Variants in SEC31A observed in about 807,000 individuals in gnomAD.
SEC31A encodes the protein SEC31 homolog A, COPII component.
A neutral mutation model predicts 151.0 loss-of-function variants in SEC31A; 70 were observed. The ratio of observed to expected loss-of-function variants is 0.46; its 90% confidence interval spans 0.38 to 0.57. The LOEUF is 0.57. SEC31A is among the 20% of genes least tolerant of loss of function. The pLI, the probability that SEC31A is intolerant of heterozygous loss-of-function variation, is 0.00. For synonymous variants in SEC31A, 475 were observed against 505.9 expected, an observed-to-expected ratio of 0.94 and a Z score of 0.82; for missense variants, 1,330 against 1,471.2, an observed-to-expected ratio of 0.90 and a Z score of 1.57.
intron 21 of SEC31A, chr4:82,844,157 A>T: frequency 2.5e-6 from 1 of 400,914 alleles, no homozygotes; most frequent in East Asian, 3.6e-5. Flanking sequence ...GTAATGGCTG[A>T]GGAACAGGAG....
chr4:82,830,173 C>T (rs1725595916), intron 22 of SEC31A, among the ~76,000 whole-genome samples: 1 of 152,142 alleles, frequency 6.6e-6, no homozygotes, highest in Non-Finnish European at 1.5e-5. Flanking sequence ...GATTTTAAAA[C>T]AGAATTCAGG....
intron 22 of SEC31A, among the ~76,000 whole-genome samples, chr4:82,833,690 C>T (rs1043463412): frequency 6.6e-6 from 1 of 152,122 alleles, no homozygotes; most frequent in Non-Finnish European, 1.5e-5. Context: ...CAGGACAGGC[C>T]TAGCCTCAAA....
intron 16 of SEC31A, among the ~76,000 whole-genome samples, chr4:82,856,473 A>G (rs1404077959): frequency 6.6e-6 from 1 of 151,420 alleles, no homozygotes. Flanking sequence ...TAATAAGGCC[A>G]GGCACGGTGG....
At chr4:82,849,745 A>G (rs1731084141) in intron 19 of SEC31A, among the ~76,000 whole-genome samples, 1 of 144,074 alleles carries the variant, frequency 6.9e-6, no homozygotes, top group Admixed American at 6.9e-5. Context: ...AATAAAGATT[A>G]AGATGTGAAA....
Position 82,882,070 on chromosome 4 carries a change from CA to C in SEC31A, c.-4-131del, listed in dbSNP as rs1739474490. 9.6e-6 allele frequency: 7 copies of C among 727,924 alleles called. No homozygotes were observed. In the South Asian group the frequency reaches 1.1e-4, roughly 12 times the overall value. The allele number at this position is 727,924 out of a possible 1,614,324, so 45.1% of individuals were successfully genotyped here. On this transcript the variant is annotated intron_variant, in intron 1 of 26. Transcript: ENST00000395310. The stretch of plus-strand genomic sequence containing the variant: ...TAGTAATGCCCAACTGCAAATAAAT[CA>C]AATCGGTTTAGGTGTCATTTGTTGG...
chr4:82,894,942 T>C (rs937017434), upstream of SEC31A: 4 of 152,226 alleles, frequency 2.6e-5, no homozygotes, highest in Non-Finnish European at 5.9e-5. Context: ...GCATTTTCCA[T>C]GCACTTTTTC....
chr4:82,837,689 T>G (rs1304306962), intron 22 of SEC31A, among the ~76,000 whole-genome samples: 1 of 152,226 alleles, frequency 6.6e-6, no homozygotes, highest in African/African-American at 2.4e-5. Context: ...CTGAATACTA[T>G]GGAGTCCTAT....
At chr4:82,876,318 C>T (rs889603432) in intron 4 of SEC31A, among the ~76,000 whole-genome samples, 9 of 152,046 alleles carry the variant, frequency 5.9e-5, no homozygotes, top group African/African-American at 2.2e-4. Context: ...CCATGTTGGT[C>T]AGGCTGGTCT....
chr4:82,862,470 T>C, intron 13 of SEC31A, 64 bp downstream of exon 13: 1 of 1,223,408 alleles, frequency 8.2e-7, no homozygotes, highest in Non-Finnish European at 1.2e-6. Flanking sequence ...TTAAATGATA[T>C]TTCCTTCTTC....
In SEC31A at chr4:82,864,447, T is replaced by C. The variant is rs1316785640; in HGVS notation, c.1349A>G (p.Gln450Arg). 1.9e-6 allele frequency: 3 copies of C among 1,614,226 alleles called. No homozygotes were observed. The highest frequency in any genetic ancestry group is 2.2e-5 in the East Asian group (1 of 44,882). ...SRSDQLQQAV[Q>R]SQGFINYCQK... is the part of the protein sequence containing the mutation. ...GCAATAATTGATAAATCCTTGTGAC[T>C]GCACAGCCTGCTGAAGTTGGTCTGA... The change falls in exon 11 of 27, where the codon CAG (glutamine) becomes CGG (arginine). Residue 450 changes from glutamine (Q) to arginine (R), a missense_variant. Physicochemically the swap from Gln to Arg is conservative, Grantham distance 43 (BLOSUM62 1). Coordinates refer to ENST00000395310, the MANE Select transcript of SEC31A (RefSeq NM_001077207.4).
chr4:82,823,122 T>C (rs1723742915), intron 25 of SEC31A, among the ~76,000 whole-genome samples: 1 of 152,240 alleles, frequency 6.6e-6, no homozygotes, highest in African/African-American at 2.4e-5. Flanking sequence ...TTTATGGTTC[T>C]CTACTACCCA....
chr4:82,824,590 G>C lies in SEC31A; in HGVS notation c.3376C>G (p.Leu1126Val), dbSNP rs759923153. ...GCTGAAGAAAGGCAGCGCTGAATAA[G>C]ATCCTCAAATGTGGTCTTTAGAATG... is the stretch of plus-strand genomic sequence containing the variant. ...HLILKTTFED[L>V]IQRCLSSATD... is the part of the protein sequence containing the mutation. Residue 1126 changes from leucine (L) to valine (V), a missense_variant, in exon 25 of 27, where the codon CTT becomes GTT. Leu to Val is a conservative substitution (Grantham distance 32, BLOSUM62 1). Transcript: ENST00000395310. The C allele has an allele frequency of 3.7e-6, 6 of 1,613,864 alleles. No individual in the cohort carries two copies. In the Admixed American group the frequency reaches 5.0e-5, roughly 13 times the overall value.
rs33968103 is a variant in SEC31A, at chr4:82,861,905, CT to C, written c.1549-198del. On this transcript the variant is annotated intron_variant, in intron 13 of 26. Transcript: ENST00000395310. ...CTATTACTGCTAACACTTTCCCATT[CT>C]TTTTTTTTTTTTTTTTTTTTTTTTT... 5.4e-3 allele frequency: 484 copies of C among 89,650 alleles called. 1 individual carries two copies. Among genetic ancestry groups the C allele is most frequent in the South Asian group, 0.035 (90 of 2,546 alleles). 5.6% of individuals were successfully genotyped at this position (89,650 alleles called of 1,614,324 possible).
chr4:82,827,229 CT>C, intron 24 of SEC31A, 139 bp downstream of exon 24: 2 of 941,390 alleles, frequency 2.1e-6, no homozygotes, highest in South Asian at 1.6e-5. Context: ...CATGATCGAT[CT>C]TAAAAAAAAG....
chr4:82,836,327 C>T (rs1727258289), intron 22 of SEC31A, among the ~76,000 whole-genome samples: 3 of 146,892 alleles, frequency 2.0e-5, no homozygotes, highest in Admixed American at 6.8e-5. Context: ...GAGCCGAGAT[C>T]GCCCCACTGC....
upstream of SEC31A, chr4:82,894,646 T>C (rs544164030): frequency 6.6e-6 from 1 of 152,366 alleles, no homozygotes; most frequent in East Asian, 1.9e-4. Context: ...TAAAACGAGT[T>C]ATCCATTTGT....
chr4:82,827,484 C>A lies in SEC31A; in HGVS notation c.3176G>T (p.Gly1059Val). 4.3e-6 allele frequency: 7 copies of A among 1,614,162 alleles called. No individual in the cohort carries two copies. The highest frequency in any genetic ancestry group is 5.9e-6 in the Non-Finnish European group (7 of 1,180,032). The change falls in exon 24 of 27, where the codon GGT becomes GTT. Residue 1059 changes from glycine (G) to valine (V), a missense_variant. Physicochemically the swap from Gly to Val is moderately radical, Grantham distance 109. Transcript: ENST00000395310. ...QSSFPQPHLP[G>V]GQPFHGVQQP... ...CTGTACGCCATGGAAGGGCTGGCCACCTGGAAGATGTGGCTGTGGGAATGA... is the reference window on the plus strand; with the variant it reads ...CTGTACGCCATGGAAGGGCTGGCCAACTGGAAGATGTGGCTGTGGGAATGA...
Position 82,875,953 on chromosome 4 carries a change from CAT to C in SEC31A, c.403-133_403-132del, listed in dbSNP as rs560094668. ...TCTATTTAATTTGAAAAGTGAAAAA[CAT>C]ATGCATGAATTTCTAAATTATGCAT... On this transcript the variant is annotated intron_variant, in intron 4 of 26. Coordinates refer to ENST00000395310, the MANE Select transcript of SEC31A (RefSeq NM_001077207.4). The C allele has an allele frequency of 2.3e-3, 1,072 of 463,860 alleles. 2 individuals are homozygous for C. Among genetic ancestry groups the C allele is most frequent in the Middle Eastern group, 4.6e-3 (8 of 1,726 alleles). The allele number at this position is 463,860 out of a possible 1,614,324, so 28.7% of individuals were successfully genotyped here.
chr4:82,858,923 G>A (rs546350124), intron 14 of SEC31A, among the ~76,000 whole-genome samples: 31 of 151,972 alleles, frequency 2.0e-4, no homozygotes, highest in Admixed American at 1.8e-3. Flanking sequence ...GGATGGTCTC[G>A]ATCTCCTGAC....
Sources: gnomAD v4.1 joint callset for allele counts (sites outside exome capture counted in the v4.1 genomes callset) on GRCh38, gnomAD v4.1.1 for gene constraint, MANE v1.5 for transcripts, NCBI Gene and HGNC (gene_info 2026-07-23, HGNC 2026-07-21) for gene names.